FOXP2: variants seen among roughly 807,000 people sequenced by gnomAD.
FOXP2 encodes forkhead box P2.
Under a neutral mutation model 115.8 loss-of-function variants are expected in FOXP2, and 12 were observed. That is an observed-to-expected ratio of 0.10 (90% CI 0.07 to 0.17). The LOEUF (loss-of-function observed/expected upper bound fraction) is 0.17, where lower values mean the gene tolerates loss of function less well. FOXP2 is among the 10% of genes least tolerant of loss of function. FOXP2 has a pLI of 1.00. For missense variants in FOXP2, 629 were observed against 843.5 expected (o/e 0.75, Z 3.15); for synonymous variants, 328 against 297.7 (o/e 1.10, Z -1.05).
chr7:114,183,643 T>C (rs543217879), intron 1 of FOXP2, among the ~76,000 whole-genome samples: 41 of 152,322 alleles, frequency 2.7e-4, no homozygotes, highest in African/African-American at 9.1e-4. Flanking sequence ...TGTAGAACAG[T>C]TATAAATTCA....
At chr7:114,369,471 T>C (rs1342855339) in intron 2 of FOXP2, among the ~76,000 whole-genome samples, 1 of 152,150 alleles carries the variant, frequency 6.6e-6, no homozygotes, top group Non-Finnish European at 1.5e-5. Context: ...ATGTTTACCA[T>C]CACCTGCACC....
intron 2 of FOXP2, among the ~76,000 whole-genome samples, chr7:114,327,120 A>G (rs1412555584): frequency 6.6e-6 from 1 of 152,174 alleles, no homozygotes; most frequent in Non-Finnish European, 1.5e-5. Context: ...TGCATCTTGT[A>G]CTTTCCCTTC....
chr7:114,691,723 G>A lies in FOXP2; in HGVS notation c.*1797G>A, dbSNP rs1000283948. The A allele has an allele frequency of 2.9e-5, 13 of 454,014 alleles. No homozygotes were observed. Among genetic ancestry groups the A allele is most frequent in the East Asian group, 7.0e-5 (1 of 14,386 alleles). The allele number at this position is 454,014 out of a possible 1,614,324, so 28.1% of individuals were successfully genotyped here. On this transcript the variant is annotated 3_prime_UTR_variant, in exon 17 of 17. Transcript: ENST00000350908. ...GCTTTACAAACAGTTTTGACAGAAG[G>A]TGGCTGCTAGAGCTTAACATACGTT...
chr7:114,320,864 G>C (rs912366330), intron 2 of FOXP2, among the ~76,000 whole-genome samples: 4 of 152,296 alleles, frequency 2.6e-5, no homozygotes, highest in Admixed American at 6.5e-5. Context: ...AAGACCTGTG[G>C]AAGAAAGGAG....
chr7:114,151,895 G>A (rs1344340960), intron 1 of FOXP2, among the ~76,000 whole-genome samples: 1 of 151,986 alleles, frequency 6.6e-6, no homozygotes, highest in African/African-American at 2.4e-5. Context: ...TAGTGTGGAA[G>A]GGAAAAAGTA....
chr7:114,292,214 C>T (rs1199661977), intron 2 of FOXP2, among the ~76,000 whole-genome samples: 1 of 151,536 alleles, frequency 6.6e-6, no homozygotes, highest in East Asian at 1.9e-4. Context: ...AACTTGGGGG[C>T]CACTCTAGAG....
chr7:114,159,717 C>T (rs1036896877), upstream of FOXP2, among the ~76,000 whole-genome samples: 1 of 152,090 alleles, frequency 6.6e-6, no homozygotes, highest in African/African-American at 2.4e-5. Context: ...TTATTCAGTG[C>T]TAGCTATTGT....
At chr7:114,290,989 A>C (rs80185134) in intron 2 of FOXP2, among the ~76,000 whole-genome samples, 8,946 of 152,206 alleles carry the variant, frequency 0.059, 751 homozygotes, top group African/African-American at 0.18. Context: ...GGCCACATGG[A>C]AAATACCCTG....
At chr7:114,543,335 C>T (rs1799772514) in intron 3 of FOXP2, among the ~76,000 whole-genome samples, 1 of 152,034 alleles carries the variant, frequency 6.6e-6, no homozygotes, top group South Asian at 2.1e-4. Flanking sequence ...CCTCAACATT[C>T]ACAATGTGTA....
At chr7:114,451,106 G>A (rs569737080) in intron 2 of FOXP2, among the ~76,000 whole-genome samples, 54 of 152,090 alleles carry the variant, frequency 3.6e-4, no homozygotes, top group Middle Eastern at 3.4e-3. Flanking sequence ...CATATTGAGA[G>A]TAAATAAAAT....
At chr7:114,575,343 A>G (rs1444931162) in intron 3 of FOXP2, among the ~76,000 whole-genome samples, 1 of 151,884 alleles carries the variant, frequency 6.6e-6, no homozygotes, top group Non-Finnish European at 1.5e-5. Context: ...TAGCATCAAT[A>G]TACTCTTGCT....
intron 2 of FOXP2, among the ~76,000 whole-genome samples, chr7:114,445,021 T>G (rs1794769415): frequency 6.6e-6 from 1 of 151,932 alleles, no homozygotes; most frequent in African/African-American, 2.4e-5. Context: ...ACATGGAAAA[T>G]AAAGTTTCCA....
intron 2 of FOXP2, among the ~76,000 whole-genome samples, chr7:114,319,066 G>C (rs963418002): frequency 8.6e-5 from 13 of 151,476 alleles, no homozygotes; most frequent in African/African-American, 2.9e-4. Context: ...TGAAAATATG[G>C]GAGCAGAACA....
intron 4 of FOXP2, 156 bp from the exon 5 acceptor site, chr7:114,629,649 A>G: frequency 6.3e-7 from 1 of 1,595,586 alleles, no homozygotes; most frequent in African/African-American, 1.3e-5. Flanking sequence ...AAATGTATGT[A>G]GAGCTGTCTC....
At chr7:114,621,932 A>G (rs537929281) in intron 3 of FOXP2, among the ~76,000 whole-genome samples, 1 of 152,198 alleles carries the variant, frequency 6.6e-6, no homozygotes, top group African/African-American at 2.4e-5. Context: ...TATTTAAATT[A>G]TCTTGAAATA....
intron 8 of FOXP2, 138 bp from the exon 9 acceptor site, chr7:114,652,065 T>C: frequency 1.3e-6 from 1 of 767,466 alleles, no homozygotes; most frequent in Non-Finnish European, 2.3e-6. Context: ...CTTTAACTTT[T>C]ATCTGTATGG....
In FOXP2 at chr7:114,691,929, C is replaced by CAAAAAAAAAAA; in HGVS notation, c.*2006_*2016dup. 5.6e-5 allele frequency: 14 copies of CAAAAAAAAAAA among 250,926 alleles called. No homozygotes were observed. Among genetic ancestry groups the CAAAAAAAAAAA allele is most frequent in the Non-Finnish European group, 7.9e-5 (11 of 138,912 alleles). 15.5% of individuals were successfully genotyped at this position (250,926 alleles called of 1,614,324 possible). On this transcript the variant is annotated 3_prime_UTR_variant, in exon 17 of 17. Transcript: ENST00000350908. ...GGCTTTCTGAAAGCTTCTACCTCTG[C>CAAAAAAAAAAA]AAAAAAAAAAAAAGAAAAAAAAAAA... is the stretch of plus-strand genomic sequence containing the variant.
At chr7:114,612,750 G>C (rs1312360825) in intron 3 of FOXP2, among the ~76,000 whole-genome samples, 1 of 152,152 alleles carries the variant, frequency 6.6e-6, no homozygotes, top group South Asian at 2.1e-4. Context: ...CATTGATCAA[G>C]TTTTTGATAT....
chr7:114,669,089 C>T (rs981073906), intron 16 of FOXP2: 28 of 151,960 alleles, frequency 1.8e-4, no homozygotes, highest in Non-Finnish European at 3.5e-4. Flanking sequence ...TATTTTATAA[C>T]CATTCCAATT....
Sources: gnomAD v4.1 joint callset for allele counts (sites outside exome capture counted in the v4.1 genomes callset) on GRCh38, gnomAD v4.1.1 for gene constraint, MANE v1.5 for transcripts, NCBI Gene and HGNC (gene_info 2026-07-23, HGNC 2026-07-21) for gene names.